Variants in PAPOLG observed in about 807,000 individuals in gnomAD.
PAPOLG encodes the protein poly(A) polymerase gamma, also known as PAP-gamma.
In PAPOLG, 40 loss-of-function variants were observed where a neutral mutation model predicts 99.0. That is an observed-to-expected ratio of 0.40 (90% CI 0.31 to 0.53). The LOEUF is 0.53. Among genes scored for constraint, PAPOLG ranks in the 20% least tolerant of loss-of-function variants. PAPOLG has a pLI of 0.41. For synonymous variants in PAPOLG, 310 were observed against 299.3 expected (o/e 1.04, Z -0.37); for missense variants, 675 against 884.1 (o/e 0.76, Z 3.00).
intron 10 of PAPOLG, 150 bp downstream of exon 10, chr2:60,780,929 T>C (rs550671542): frequency 1.2e-5 from 8 of 663,802 alleles, no homozygotes; most frequent in Admixed American, 8.7e-5. Context: ...GGTTTTTGTT[T>C]TGTTTTTTGT....
Position 60,791,958 on chromosome 2 carries a change from C to G in PAPOLG, c.1518+76C>G, listed in dbSNP as rs1040575531. ...CTGGGACCAAATTTGCATTCTACAG[C>G]TCCCAAACCTATTGAGAAAAATAAG... On this transcript the variant is annotated intron_variant, in intron 16 of 21. Transcript: ENST00000238714. 4 of 1,516,636 alleles carry G rather than the reference C, an allele frequency of 2.6e-6. No homozygotes were observed. In the African/African-American group the frequency reaches 5.6e-5, roughly 21 times the overall value. The allele number at this position is 1,516,636 out of a possible 1,614,324, so 93.9% of individuals were successfully genotyped here. A position where few individuals can be genotyped will look rare whatever the true frequency, so the allele number is the denominator to read the frequency against.
intron 16 of PAPOLG, 73 bp from the exon 17 acceptor site, chr2:60,792,056 A>G (rs375250273): frequency 1.3e-6 from 2 of 1,499,888 alleles, no homozygotes; most frequent in South Asian, 1.3e-5. Context: ...TGCTTAAGTG[A>G]CCTTCAGAAT....
chr2:60,768,631 T>C (rs991330141), intron 4 of PAPOLG, 80 bp downstream of exon 4: 1 of 1,366,630 alleles, frequency 7.3e-7, no homozygotes, highest in African/African-American at 1.5e-5. Context: ...GAGAACAAAG[T>C]TCCCACTATT....
chr2:60,794,514 CA>C, intron 19 of PAPOLG, 195 bp from the exon 20 acceptor site: 1 of 598,900 alleles, frequency 1.7e-6, no homozygotes, highest in Non-Finnish European at 2.9e-6. Flanking sequence ...TTGATTTAAC[CA>C]AAAAGATCAC....
At chr2:60,789,999 C>T (rs1216332169) in intron 15 of PAPOLG, among the ~76,000 whole-genome samples, 2 of 152,164 alleles carry the variant, frequency 1.3e-5, no homozygotes, top group African/African-American at 4.8e-5. Flanking sequence ...GAGGCTAAGG[C>T]AGGAGAATCG....
At chr2:60,765,242 T>TC (rs1466770897) in intron 3 of PAPOLG, among the ~76,000 whole-genome samples, 2 of 146,882 alleles carry the variant, frequency 1.4e-5, no homozygotes, top group African/African-American at 5.1e-5. Context: ...CTACTTTTTT[T>TC]TTTTTTTTTT....
chr2:60,759,481 C>T (rs1670460029), intron 1 of PAPOLG, among the ~76,000 whole-genome samples: 1 of 152,072 alleles, frequency 6.6e-6, no homozygotes, highest in Admixed American at 6.5e-5. Context: ...AAAAGATTGC[C>T]AGTAGTATAA....
chr2:60,757,167 T>C (rs972027706), intron 1 of PAPOLG, among the ~76,000 whole-genome samples: 1 of 152,224 alleles, frequency 6.6e-6, no homozygotes, highest in African/African-American at 2.4e-5. Flanking sequence ...AACATAAGCA[T>C]CATTTGTGGA....
chr2:60,758,939 T>C (rs76296742), intron 1 of PAPOLG, among the ~76,000 whole-genome samples: 2,657 of 152,312 alleles, frequency 0.017, 73 homozygotes, highest in African/African-American at 0.06. Context: ...CATGGAAGCA[T>C]GGTGAAGATA....
At position 60,798,880 on chromosome 2, in the gene PAPOLG, C is replaced by G. The variant is rs559990395; in HGVS notation, c.*1720C>G. The G allele has an allele frequency of 6.6e-6, 1 of 152,270 alleles. No homozygotes were observed. Among genetic ancestry groups the G allele is most frequent in the South Asian group, 2.1e-4 (1 of 4,820 alleles). 9.4% of individuals were successfully genotyped at this position (152,270 alleles called of 1,614,324 possible). On this transcript the variant is annotated 3_prime_UTR_variant, in exon 22 of 22. Coordinates refer to ENST00000238714, the MANE Select transcript of PAPOLG (RefSeq NM_022894.4). The stretch of plus-strand genomic sequence containing the variant: ...TGAAAAGAGTCTTAGAAGTAAAGAA[C>G]AACAAGGAAAAAAATGTTTGTTCTA...
At chr2:60,764,814 A>G (rs1670625456) in intron 3 of PAPOLG, among the ~76,000 whole-genome samples, 1 of 152,194 alleles carries the variant, frequency 6.6e-6, no homozygotes, top group African/African-American at 2.4e-5. Context: ...TGGGCTCAGA[A>G]TAAAGTTGAG....
In PAPOLG at chr2:60,801,360, C is replaced by T. The variant is rs1455704932; in HGVS notation, c.*4200C>T. On this transcript the variant is annotated 3_prime_UTR_variant, in exon 22 of 22. Coordinates refer to ENST00000238714, the MANE Select transcript of PAPOLG (RefSeq NM_022894.4). ...AAATTGGTCATAGTAGCAAATAGTG[C>T]AGATGATGGAAGAAAACCAGTCTCA... is the stretch of plus-strand genomic sequence containing the variant. The T allele has an allele frequency of 6.6e-6, 1 of 151,504 alleles. No homozygotes were observed. The highest frequency in any genetic ancestry group is 1.5e-5 in the Non-Finnish European group (1 of 67,930). The allele number at this position is 151,504 out of a possible 1,614,324, so 9.4% of individuals were successfully genotyped here.
chr2:60,770,370 G>C, intron 5 of PAPOLG, 88 bp from the exon 6 acceptor site: 1 of 1,092,644 alleles, frequency 9.2e-7, no homozygotes, highest in Non-Finnish European at 1.3e-6. Flanking sequence ...AATACAAATC[G>C]GGAGTAAAGA....
chr2:60,800,743 G>A lies in PAPOLG; in HGVS notation c.*3583G>A, dbSNP rs1671820170. On this transcript the variant is annotated 3_prime_UTR_variant, in exon 22 of 22. Coordinates refer to ENST00000238714, the MANE Select transcript of PAPOLG (RefSeq NM_022894.4). Reference sequence around the variant, plus strand: ...GTTCTAGTTTACATGCATTTTTCTTGGGGAAAGTGCATAGTTTAGATCAGC... The same window carrying A: ...GTTCTAGTTTACATGCATTTTTCTTAGGGAAAGTGCATAGTTTAGATCAGC... 6.6e-6 allele frequency: 1 copy of A among 152,138 alleles called. No individual in the cohort carries two copies. Among genetic ancestry groups the A allele is most frequent in the Non-Finnish European group, 1.5e-5 (1 of 68,020 alleles). The allele number at this position is 152,138 out of a possible 1,614,324, so 9.4% of individuals were successfully genotyped here.
intron 5 of PAPOLG, 61 bp from the exon 6 acceptor site, chr2:60,770,397 A>G (rs1573227608): frequency 7.3e-6 from 10 of 1,365,428 alleles, no homozygotes; most frequent in Admixed American, 2.6e-5. Flanking sequence ...CATTATTGGT[A>G]GTTAGGAAGG....
Position 60,797,495 on chromosome 2 carries a change from T to C in PAPOLG, c.*335T>C. On this transcript the variant is annotated 3_prime_UTR_variant, in exon 22 of 22. Transcript: ENST00000238714. ...TAGCCACTTGGACACTGATAACAAG[T>C]CCTGAACTCCTTTTTTGTTTTGTTT... The C allele has an allele frequency of 4.4e-6, 1 of 228,772 alleles. No individual in the cohort carries two copies. Among genetic ancestry groups the C allele is most frequent in the Non-Finnish European group, 8.5e-6 (1 of 117,434 alleles). 14.2% of individuals were successfully genotyped at this position (228,772 alleles called of 1,614,324 possible). A position where few individuals can be genotyped will look rare whatever the true frequency, so the allele number is the denominator to read the frequency against.
chr2:60,779,843 T>C (rs1671136923), intron 9 of PAPOLG, 68 bp downstream of exon 9: 1 of 1,362,866 alleles, frequency 7.3e-7, no homozygotes, highest in Admixed American at 1.9e-5. Flanking sequence ...GTTTGGAAAT[T>C]TAAGAGCTAT....
chr2:60,791,882 G>T lies in PAPOLG; in HGVS notation c.1518G>T (p.Lys506Asn). The T allele has an allele frequency of 5.0e-6, 8 of 1,611,208 alleles. No individual in the cohort carries two copies. Among genetic ancestry groups the T allele is most frequent in the Non-Finnish European group, 6.8e-6 (8 of 1,179,374 alleles). Residue 506 changes from lysine to asparagine, a missense_variant and splice_region_variant, in exon 16 of 22, where the codon AAG (lysine) becomes AAT (asparagine). Lys to Asn is a moderately conservative substitution (Grantham distance 94). This residue lies in a region of PAPOLG where 413 missense variants were observed against 460.5 expected (regional missense o/e 0.90). Transcript: ENST00000238714. The stretch of plus-strand genomic sequence containing the variant: ...CAGAAATTCTTCAAAAGAAGAAAAA[G>T]GTGAGTTTATAATCTTAACCCTTCA... Reference protein sequence around the residue: ...LPAEILQKKKKQSLSDVNRSS... With the variant: ...LPAEILQKKKNQSLSDVNRSS...
At chr2:60,784,564 T>A (rs1573245649) in intron 13 of PAPOLG, among the ~76,000 whole-genome samples, 1 of 152,218 alleles carries the variant, frequency 6.6e-6, no homozygotes, top group Non-Finnish European at 1.5e-5. Context: ...AAAACAGCAA[T>A]ACTGTTTTAT....
Sources: allele counts gnomAD v4.1 joint callset (sites outside exome capture counted in the v4.1 genomes callset), GRCh38; gene constraint gnomAD v4.1.1; regional missense constraint gnomAD v4.1.1; transcripts MANE v1.5; gene names NCBI Gene and HGNC (gene_info 2026-07-23, HGNC 2026-07-21).